The following ASAH1 variants were observed in gnomAD, a reference collection of about 807,000 sequenced individuals.
ASAH1 encodes N-acylsphingosine amidohydrolase 1, also known as acid ceramidase.
Under a neutral mutation model 59.5 loss-of-function variants are expected in ASAH1, and 70 were observed. The ratio of observed to expected loss-of-function variants is 1.18; its 90% CI spans 0.97 to 1.43. ASAH1 has a LOEUF of 1.43. Among genes scored for constraint, ASAH1 ranks in the 40% most tolerant of loss-of-function variants. ASAH1 has a pLI of 0.00. For synonymous variants in ASAH1, 213 were observed against 166.5 expected, an observed-to-expected ratio of 1.28 and a Z score of -2.15; for missense variants, 660 against 482.5, an observed-to-expected ratio of 1.37 and a Z score of -3.45.
rs1283480127 is a variant in ASAH1 at position 18,062,337 on chromosome 8, G to T, written c.590C>A (p.Thr197Asn). The T allele has an allele frequency of 6.2e-7, 1 of 1,614,074 alleles. No homozygotes were observed. Among genetic ancestry groups the T allele is most frequent in the Admixed American group, 1.7e-5 (1 of 60,012 alleles). ...VNLDFQRNNK[T>N]VFKASSFAGY... The stretch of plus-strand genomic sequence containing the variant: ...AGCAAAGCTTGAAGCCTTGAAGACA[G>T]TTTTGTTGTTTCTTTGGAAATCCAA... Residue 197 changes from threonine to asparagine, a missense_variant, in exon 8 of 14, where the codon ACT (threonine) becomes AAT (asparagine). Thr to Asn is a moderately conservative substitution (Grantham distance 65). Coordinates refer to ENST00000637790, the MANE Select transcript of ASAH1 (RefSeq NM_177924.5).
Position 18,067,314 on chromosome 8 carries a change from A to C in ASAH1, c.304-16T>G. ...GTAGGCCAGGCTGGAAAACAAATAT[A>C]TTAATAAAAGCATTTAACATAATAA... On this transcript the variant is annotated splice_polypyrimidine_tract_variant and intron_variant, in intron 4 of 13. Coordinates refer to ENST00000637790, the MANE Select transcript of ASAH1 (RefSeq NM_177924.5). The C allele has an allele frequency of 6.5e-7, 1 of 1,542,528 alleles. No individual in the cohort carries two copies. The highest frequency in any genetic ancestry group is 8.8e-7 in the Non-Finnish European group (1 of 1,133,962).
chr8:18,075,927 T>C, intron 1 of ASAH1: 3 of 368,956 alleles, frequency 8.1e-6, no homozygotes, highest in South Asian at 6.9e-5. Context: ...AATGACCTGA[T>C]AGGATGTATT....
At chr8:18,059,838 G>A (rs1206246531) in intron 10 of ASAH1, 135 bp from the exon 11 acceptor site, 18 of 809,100 alleles carry the variant, frequency 2.2e-5, no homozygotes, top group Admixed American at 1.8e-4. Flanking sequence ...AGGTACACAC[G>A]TGCCATGGTG....
At chr8:18,084,542 C>T, upstream of ASAH1, 5 of 1,483,512 alleles carry the variant, frequency 3.4e-6, no homozygotes, top group Non-Finnish European at 1.8e-6. Context: ...CATCTTTGCC[C>T]TCTGAGAAAA....
chr8:18,084,863 T>A (rs1589013864), upstream of ASAH1: 2 of 1,598,726 alleles, frequency 1.3e-6, no homozygotes, highest in East Asian at 4.5e-5. Context: ...GAGCTCAGCT[T>A]GGGAGGAGGC....
intron 5 of ASAH1, chr8:18,065,136 G>A (rs1042902932): frequency 2.0e-5 from 3 of 151,376 alleles, no homozygotes; most frequent in African/African-American, 7.3e-5. Flanking sequence ...AATCCAATGT[G>A]TATTTTATTT....
chr8:18,073,490 A>G lies in ASAH1; in HGVS notation c.125+2051T>C, dbSNP rs3753116. On this transcript the variant is annotated intron_variant, in intron 2 of 13. Coordinates refer to ENST00000637790, the MANE Select transcript of ASAH1 (RefSeq NM_177924.5). ...CCTAGGTGGCATGGAAACTAGTCCAAGTGACACAACACACACATATACAAA... is the reference window on the plus strand; with the variant it reads ...CCTAGGTGGCATGGAAACTAGTCCAGGTGACACAACACACACATATACAAA... Among the ~76,000 whole-genome samples the G allele has an allele frequency of 0.43, 65,302 of 152,046 alleles. 14,926 individuals are homozygous for G. The highest frequency in any genetic ancestry group is 0.53 in the Admixed American group (8,084 of 15,290).
At chr8:18,067,435 C>A (rs762598043) in intron 4 of ASAH1, 137 bp from the exon 5 acceptor site, 2 of 415,854 alleles carry the variant, frequency 4.8e-6, no homozygotes, top group Non-Finnish European at 3.9e-6. Flanking sequence ...ATACTGCTAT[C>A]ATAATAAGTG....
At chr8:18,075,701 T>C (rs889649264) in intron 1 of ASAH1, 114 bp from the exon 2 acceptor site, 32 of 940,830 alleles carry the variant, frequency 3.4e-5, no homozygotes, top group Non-Finnish European at 5.3e-5. Context: ...ATTGCTCTTT[T>C]ATACGTTTCA....
In ASAH1 at chr8:18,064,466, C is replaced by T; in HGVS notation, c.448G>A (p.Asp150Asn). 6.4e-7 allele frequency: 1 copy of T among 1,565,308 alleles called. No homozygotes were observed. The highest frequency in any genetic ancestry group is 1.7e-4 in the Middle Eastern group (1 of 5,958). Reference protein sequence around the residue: ...FTICTSIVAEDKKGHLIHGRN... With the variant: ...FTICTSIVAENKKGHLIHGRN... ...CTCAGCGCACAATTACCTTTTTTGT[C>T]TTCTGCTACTATTGAAGTACAAATG... Residue 150 changes from aspartate (D) to asparagine (N), a missense_variant, in exon 6 of 14, where the codon GAC (aspartate) becomes AAC (asparagine). Coordinates refer to ENST00000637790, the MANE Select transcript of ASAH1 (RefSeq NM_177924.5).
chr8:18,061,766 T>A (rs1186079527), intron 8 of ASAH1, 26 bp from the exon 9 acceptor site: 2 of 1,555,554 alleles, frequency 1.3e-6, no homozygotes, highest in East Asian at 4.8e-5. Context: ...AGCAACGAAG[T>A]CAGAAACATC....
At chr8:18,063,924 AG>A (rs1238320149) in intron 6 of ASAH1, 1 of 165,994 alleles carries the variant, frequency 6.0e-6, no homozygotes, top group Non-Finnish European at 1.3e-5. Flanking sequence ...CTCAAGGGTA[AG>A]GTACAGGCAG....
upstream of ASAH1, chr8:18,084,445 C>G: frequency 7.4e-7 from 1 of 1,351,566 alleles, no homozygotes; most frequent in African/African-American, 1.5e-5. Context: ...CAGGCGGGTG[C>G]AGCCTGTCCC....
At chr8:18,062,193 T>A in intron 8 of ASAH1, 86 bp downstream of exon 8, 1 of 1,567,630 alleles carries the variant, frequency 6.4e-7, no homozygotes, top group Non-Finnish European at 8.8e-7. Context: ...TCCCTTTAGG[T>A]CCTCATATTC....
rs1799478154 is a variant in ASAH1 at position 18,056,559 on chromosome 8, G to A, written c.*975C>T. 1 of 152,206 alleles carries A rather than the reference G, an allele frequency of 6.6e-6. No homozygotes were observed. Among genetic ancestry groups the A allele is most frequent in the Non-Finnish European group, 1.5e-5 (1 of 68,046 alleles). 9.4% of individuals were successfully genotyped at this position (152,206 alleles called of 1,614,324 possible). On this transcript the variant is annotated 3_prime_UTR_variant, in exon 14 of 14. Coordinates refer to ENST00000637790, the MANE Select transcript of ASAH1 (RefSeq NM_177924.5). The stretch of plus-strand genomic sequence containing the variant: ...TGACGTACATTTCACAGTTAATCGT[G>A]AAGGTTAGAAAGGTTAACAAGTTCT...
At chr8:18,079,629 T>A (rs1800566667) in intron 1 of ASAH1, among the ~76,000 whole-genome samples, 1 of 152,214 alleles carries the variant, frequency 6.6e-6, no homozygotes, top group Non-Finnish European at 1.5e-5. Context: ...GTGCTTGTCT[T>A]ATTGAAATAC....
chr8:18,069,900 T>C, intron 3 of ASAH1, 22 bp from the exon 4 acceptor site: 2 of 1,498,038 alleles, frequency 1.3e-6, no homozygotes, highest in Non-Finnish European at 1.8e-6. Flanking sequence ...ATAAAATGCT[T>C]ACTAAAAGAC....
At chr8:18,063,520 T>C (rs1161506681) in intron 6 of ASAH1, 2 of 310,486 alleles carry the variant, frequency 6.4e-6, no homozygotes, top group East Asian at 8.2e-5. Flanking sequence ...GGTTTTACCA[T>C]GTTGGCCAGT....
At position 18,084,060 on chromosome 8, in the gene ASAH1, G is replaced by A. The variant is rs371791165; in HGVS notation, c.-2C>T. On this transcript the variant is annotated 5_prime_UTR_variant, in exon 1 of 14. Transcript: ENST00000637790. ...GGCGACGCAACTCCGGCCCGGCATCGCTCTAGCAGCCAACGCCACTCCCCG... is the reference window on the plus strand; with the variant it reads ...GGCGACGCAACTCCGGCCCGGCATCACTCTAGCAGCCAACGCCACTCCCCG... 3.9e-5 allele frequency: 62 copies of A among 1,598,448 alleles called. No homozygotes were observed. The Admixed American group carries it at 9.5e-4, about 25-fold the overall frequency.
Sources: allele counts gnomAD v4.1 joint callset (sites outside exome capture counted in the v4.1 genomes callset), GRCh38; gene constraint gnomAD v4.1.1; transcripts MANE v1.5; gene names NCBI Gene and HGNC (gene_info 2026-07-23, HGNC 2026-07-21).